Variants in MOB3B observed in about 807,000 individuals in gnomAD.
MOB3B encodes the protein MOB kinase activator-like 2B.
Under a neutral mutation model 18.7 loss-of-function variants are expected in MOB3B, and 7 were observed. That is an observed-to-expected ratio of 0.37 (90% CI 0.21 to 0.70). MOB3B has a LOEUF of 0.70. Among genes scored for constraint, MOB3B ranks in the 30% least tolerant of loss-of-function variants. MOB3B has a pLI of 0.52. For synonymous variants in MOB3B, 111 were observed against 99.9 expected (o/e 1.11, Z -0.66); for missense variants, 253 against 281.3 (o/e 0.90, Z 0.72).
At chr9:27,418,197 T>C (rs1281303726) in intron 2 of MOB3B, among the ~76,000 whole-genome samples, 1 of 150,740 alleles carries the variant, frequency 6.6e-6, no homozygotes, top group Non-Finnish European at 1.5e-5. Flanking sequence ...AAATGGTAAC[T>C]TAAAAATTAT....
At chr9:27,392,341 ATG>A (rs778633685) in intron 2 of MOB3B, among the ~76,000 whole-genome samples, 1 of 152,238 alleles carries the variant, frequency 6.6e-6, no homozygotes, top group Non-Finnish European at 1.5e-5. Flanking sequence ...GTATTCTATA[ATG>A]CAAAGAGAAC....
chr9:27,494,515 A>G (rs901894567), intron 1 of MOB3B, among the ~76,000 whole-genome samples: 3 of 152,012 alleles, frequency 2.0e-5, no homozygotes, highest in Non-Finnish European at 4.4e-5. Context: ...ATGCTTAAGG[A>G]AAATAGAAAA....
chr9:27,451,111 A>C (rs965470924), intron 2 of MOB3B, among the ~76,000 whole-genome samples: 1 of 152,200 alleles, frequency 6.6e-6, no homozygotes, highest in Admixed American at 6.5e-5. Context: ...TTTTTCTATC[A>C]GGTCTAAAAT....
chr9:27,499,894 C>T (rs1424742089), intron 1 of MOB3B, among the ~76,000 whole-genome samples: 1 of 151,980 alleles, frequency 6.6e-6, no homozygotes, highest in Non-Finnish European at 1.5e-5. Flanking sequence ...TATAATTTTG[C>T]CATTGTGTTA....
At chr9:27,354,639 G>A (rs770112979) in intron 3 of MOB3B, among the ~76,000 whole-genome samples, 1 of 152,156 alleles carries the variant, frequency 6.6e-6, no homozygotes, top group Non-Finnish European at 1.5e-5. Flanking sequence ...CCCTTTGAAT[G>A]GAGGTGCATC....
At chr9:27,440,666 G>T (rs144308545) in intron 2 of MOB3B, among the ~76,000 whole-genome samples, 1 of 152,036 alleles carries the variant, frequency 6.6e-6, no homozygotes, top group Non-Finnish European at 1.5e-5. Context: ...CACCAGTTAC[G>T]CATCTAGTCT....
chr9:27,493,935 T>C (rs945128662), intron 1 of MOB3B, among the ~76,000 whole-genome samples: 2 of 152,192 alleles, frequency 1.3e-5, no homozygotes, highest in Non-Finnish European at 2.9e-5. Flanking sequence ...ATTTTTCTCT[T>C]CTTTCAAAAG....
chr9:27,487,193 C>T (rs1358780769), intron 1 of MOB3B, among the ~76,000 whole-genome samples: 2 of 138,078 alleles, frequency 1.4e-5, no homozygotes, highest in Non-Finnish European at 3.1e-5. Flanking sequence ...GGCAATTCTC[C>T]ATAACGTTTC....
chr9:27,463,170 T>C (rs1246970219), intron 1 of MOB3B, among the ~76,000 whole-genome samples: 1 of 152,232 alleles, frequency 6.6e-6, no homozygotes, highest in Non-Finnish European at 1.5e-5. Context: ...GAGAGACCAG[T>C]CACCTAGAAT....
chr9:27,438,019 TG>T (rs1369348921), intron 2 of MOB3B, among the ~76,000 whole-genome samples: 1 of 152,234 alleles, frequency 6.6e-6, no homozygotes, highest in Non-Finnish European at 1.5e-5. Flanking sequence ...CATGCAAATA[TG>T]CCAGGATGCA....
At chr9:27,418,562 A>C (rs1440926156) in intron 2 of MOB3B, among the ~76,000 whole-genome samples, 2 of 152,230 alleles carry the variant, frequency 1.3e-5, no homozygotes, top group Non-Finnish European at 2.9e-5. Flanking sequence ...GATACACATA[A>C]ACAGAATTAA....
At chr9:27,445,553 C>A (rs967901423) in intron 2 of MOB3B, among the ~76,000 whole-genome samples, 1 of 152,192 alleles carries the variant, frequency 6.6e-6, no homozygotes, top group African/African-American at 2.4e-5. Flanking sequence ...CATGGGAAGA[C>A]AAATGCCCCT....
At chr9:27,485,595 G>A (rs1197786856) in intron 1 of MOB3B, among the ~76,000 whole-genome samples, 1 of 151,928 alleles carries the variant, frequency 6.6e-6, no homozygotes, top group African/African-American at 2.4e-5. Flanking sequence ...CTTTCATATC[G>A]ACTTTTGTGT....
At chr9:27,485,659 T>C (rs1368059618) in intron 1 of MOB3B, among the ~76,000 whole-genome samples, 1 of 152,196 alleles carries the variant, frequency 6.6e-6, no homozygotes, top group African/African-American at 2.4e-5. Flanking sequence ...TCTACCCTCA[T>C]GGAAAATTAC....
At chr9:27,472,503 C>T (rs976790771) in intron 1 of MOB3B, among the ~76,000 whole-genome samples, 15 of 151,928 alleles carry the variant, frequency 9.9e-5, no homozygotes, top group African/African-American at 2.2e-4. Context: ...TTCATCAATA[C>T]GTCTTGTTAG....
chr9:27,414,876 A>T (rs899457103), intron 2 of MOB3B, among the ~76,000 whole-genome samples: 1 of 149,046 alleles, frequency 6.7e-6, no homozygotes, highest in Admixed American at 6.7e-5. Flanking sequence ...TTATTTTTTA[A>T]TTTTTTTTTT....
intron 2 of MOB3B, among the ~76,000 whole-genome samples, chr9:27,452,709 C>T (rs897087303): frequency 6.6e-6 from 1 of 152,174 alleles, no homozygotes; most frequent in Non-Finnish European, 1.5e-5. Context: ...GAAATCCTGT[C>T]ATTTGTGACA....
At chr9:27,413,203 A>G (rs1822099036) in intron 2 of MOB3B, among the ~76,000 whole-genome samples, 1 of 152,220 alleles carries the variant, frequency 6.6e-6, no homozygotes, top group Non-Finnish European at 1.5e-5. Context: ...TGAGGCAAAT[A>G]GCCCAATTGT....
At chr9:27,441,539 C>T (rs2589053) in intron 2 of MOB3B, among the ~76,000 whole-genome samples, 104,744 of 152,004 alleles carry the variant, frequency 0.69, 36,570 homozygotes, top group African/African-American at 0.75. Context: ...GTAGAGTCTA[C>T]AGTGTGGGTA....
Sources: allele counts gnomAD v4.1 joint callset (sites outside exome capture counted in the v4.1 genomes callset), GRCh38; gene constraint gnomAD v4.1.1; transcripts MANE v1.5; gene names NCBI Gene and HGNC (gene_info 2026-07-23, HGNC 2026-07-21).